ARHGEF2: variants seen among roughly 807,000 people sequenced by gnomAD.
ARHGEF2 encodes the protein Rho/Rac guanine nucleotide exchange factor 2, also known as rho guanine nucleotide exchange factor 2.
In ARHGEF2, 22 loss-of-function variants were observed where a neutral mutation model predicts 121.0. The ratio of observed to expected loss-of-function variants is 0.18; its 90% CI spans 0.13 to 0.26. ARHGEF2 has a LOEUF of 0.26. Ranked by LOEUF, ARHGEF2 falls within the 10% of genes least tolerant of loss-of-function variation. The pLI is 1.00. For synonymous variants in ARHGEF2, 487 were observed against 530.0 expected (o/e 0.92, Z 1.11); for missense variants, 907 against 1,336.0 (o/e 0.68, Z 5.01).
chr1:155,954,124 G>C (rs1311842257), intron 14 of ARHGEF2, among the ~76,000 whole-genome samples: 2 of 52,768 alleles, frequency 3.8e-5, no homozygotes. Context: ...ATCATGCCTA[G>C]CTATTTTTTT....
intron 13 of ARHGEF2, among the ~76,000 whole-genome samples, chr1:155,956,729 G>A (rs1473562150): frequency 2.6e-5 from 4 of 151,012 alleles, no homozygotes; most frequent in South Asian, 2.1e-4. Context: ...AGGCTGAGGC[G>A]GGTCGATTAC....
chr1:155,964,211 TATATA>T (rs1558031862), intron 7 of ARHGEF2, among the ~76,000 whole-genome samples: 20 of 131,258 alleles, frequency 1.5e-4, no homozygotes, highest in African/African-American at 5.1e-4. Context: ...TATATATATA[TATATA>T]TTTTTTTTTT....
At position 155,958,194 on chromosome 1, in the gene ARHGEF2, G is replaced by A. The variant is rs2275071; in HGVS notation, c.1545+126C>T. On this transcript the variant is annotated intron_variant, in intron 12 of 21. Coordinates refer to ENST00000361247, the MANE Select transcript of ARHGEF2 (RefSeq NM_001162383.2). ...GCTGCTCTTATTTTTTATTATTACG[G>A]TAATAGTAACAATTATAGCTGTTTG... The A allele has an allele frequency of 6.3e-3, 4,653 of 738,524 alleles. 86 individuals carry two copies. Among genetic ancestry groups the A allele is most frequent in the East Asian group, 0.054 (2,000 of 37,008 alleles). The allele number at this position is 738,524 out of a possible 1,614,324, so 45.7% of individuals were successfully genotyped here. A position where few individuals can be genotyped will look rare whatever the true frequency, so the allele number is the denominator to read the frequency against.
upstream of ARHGEF2, chr1:155,979,434 C>T (rs1572225537): frequency 1.5e-6 from 1 of 685,874 alleles, no homozygotes; most frequent in Admixed American, 6.3e-5. Flanking sequence ...GACCCTTTTC[C>T]CCAGCCTGAG....
intron 1 of ARHGEF2, 188 bp from the exon 2 acceptor site, chr1:155,969,488 G>A: frequency 7.0e-7 from 1 of 1,422,696 alleles, no homozygotes; most frequent in East Asian, 2.6e-5. Context: ...GACCAGGCCA[G>A]GCTCTGGGGC....
chr1:155,963,177 A>G lies in ARHGEF2; in HGVS notation c.731T>C (p.Ile244Thr). 1 of 1,609,296 alleles carries G rather than the reference A, an allele frequency of 6.2e-7. No homozygotes were observed. Among genetic ancestry groups the G allele is most frequent in the Middle Eastern group, 1.7e-4 (1 of 6,046 alleles). Residue 244 changes from isoleucine to threonine, a missense_variant, in exon 8 of 22, where the codon ATC (isoleucine) becomes ACC (threonine). By Grantham distance (89) the Ile-to-Thr change is moderately conservative (BLOSUM62 -1). Coordinates refer to ENST00000361247, the MANE Select transcript of ARHGEF2 (RefSeq NM_001162383.2). ...MKQQDVIYEL[I>T]QTELHHVRTL... ...CCTCACATGGTGCAGCTCTGTCTGGATTAGCTCTGTGGGGGACATTGGGAC... is the reference window on the plus strand; with the variant it reads ...CCTCACATGGTGCAGCTCTGTCTGGGTTAGCTCTGTGGGGGACATTGGGAC...
rs374165884 is a variant in ARHGEF2, at chr1:155,954,881, G to A, written c.1783+21C>T. ...TGAATGTATTATAAATTACTAAGGA[G>A]CTCCTTGTGGGTGGACTTACTCTTA... is the stretch of plus-strand genomic sequence containing the variant. On this transcript the variant is annotated intron_variant, in intron 14 of 21. Coordinates refer to ENST00000361247, the MANE Select transcript of ARHGEF2 (RefSeq NM_001162383.2). The A allele has an allele frequency of 2.6e-5, 41 of 1,605,922 alleles. No individual in the cohort carries two copies. The African/African-American group carries it at 4.4e-4, about 17-fold the overall frequency.
In ARHGEF2 at chr1:155,950,290, G is replaced by C. The variant is rs779197828; in HGVS notation, c.2887+9C>G. 1.7e-5 allele frequency: 28 copies of C among 1,611,268 alleles called. No homozygotes were observed. Among genetic ancestry groups the C allele is most frequent in the Non-Finnish European group, 2.2e-5 (26 of 1,179,874 alleles). Reference sequence around the variant, plus strand: ...CTACCTCTGGTCCATGTCTCCGCCAGGGTCTCACCTCGTGGACTGTGGGGC... The same window carrying C: ...CTACCTCTGGTCCATGTCTCCGCCACGGTCTCACCTCGTGGACTGTGGGGC... On this transcript the variant is annotated intron_variant, in intron 21 of 21. Coordinates refer to ENST00000361247, the MANE Select transcript of ARHGEF2 (RefSeq NM_001162383.2). This position sits in a 1 kb window ranked among gnomAD's most constrained non-coding sequence, Gnocchi z 5.2.
intron 13 of ARHGEF2, among the ~76,000 whole-genome samples, chr1:155,956,108 T>A (rs907752064): frequency 6.6e-6 from 1 of 151,628 alleles, no homozygotes; most frequent in Non-Finnish European, 1.5e-5. Flanking sequence ...AATTTCATAA[T>A]TTTTTTTTGG....
In ARHGEF2 at chr1:155,961,966, T is replaced by A. The variant is rs1382747095; in HGVS notation, c.1220-57A>T. The A allele has an allele frequency of 1.9e-6, 3 of 1,607,738 alleles. No homozygotes were observed. The highest frequency in any genetic ancestry group is 2.6e-6 in the Non-Finnish European group (3 of 1,175,788). ...CAACCAGTTTCACTCACACCCCAGT[T>A]CCCATCGTGTCTTGATTCCACCTTT... On this transcript the variant is annotated intron_variant, in intron 10 of 21. Coordinates refer to ENST00000361247, the MANE Select transcript of ARHGEF2 (RefSeq NM_001162383.2). The surrounding 1 kb of genome is among the most constrained non-coding windows in gnomAD (Gnocchi z 4.7).
intron 7 of ARHGEF2, 148 bp from the exon 8 acceptor site, chr1:155,963,331 T>C: frequency 3.0e-6 from 2 of 676,530 alleles, no homozygotes; most frequent in Non-Finnish European, 4.7e-6. Flanking sequence ...GATACTTTTC[T>C]AATCATTTTT....
intron 1 of ARHGEF2, 142 bp from the exon 2 acceptor site, chr1:155,969,442 C>A: frequency 6.8e-7 from 1 of 1,470,948 alleles, no homozygotes; most frequent in Non-Finnish European, 9.0e-7. Context: ...TAAAGCAGAG[C>A]CTGCAACTGG....
upstream of ARHGEF2, chr1:155,979,076 C>T: frequency 1.0e-6 from 1 of 985,676 alleles, no homozygotes; most frequent in East Asian, 1.1e-4. Flanking sequence ...GAGAGGAAAT[C>T]AAAGGAGAAC....
At position 155,971,050 on chromosome 1, in the gene ARHGEF2, G is replaced by T; in HGVS notation, c.64-1750C>A. On this transcript the variant is annotated intron_variant, in intron 1 of 21. Transcript: ENST00000361247. The stretch of plus-strand genomic sequence containing the variant: ...TTCCCTTTCTCAGCCTTGCTTCTCC[G>T]CCACTGTTCTCCTCTCCCGCCCACA... 3 of 986,542 alleles carry T rather than the reference G, an allele frequency of 3.0e-6. No homozygotes were observed. In the South Asian group the frequency reaches 1.4e-4, roughly 46 times the overall value. 61.1% of individuals were successfully genotyped at this position (986,542 alleles called of 1,614,324 possible).
Position 155,951,167 on chromosome 1 carries a change from T to C in ARHGEF2, c.2365A>G (p.Arg789Gly). 6.2e-7 allele frequency: 1 copy of C among 1,605,512 alleles called. No individual in the cohort carries two copies. Among genetic ancestry groups the C allele is most frequent in the Non-Finnish European group, 8.5e-7 (1 of 1,177,432 alleles). ...GGGGCCACAGGGGCAGCCCCAGCCC[T>C]GCCAGCCTCCCCATCCCGAGAGTTG... Reference protein sequence around the residue: ...RANSRDGEAGRAGAAPVAPEK... With the variant: ...RANSRDGEAGGAGAAPVAPEK... Residue 789 changes from arginine to glycine, a missense_variant, in exon 20 of 22, where the codon AGG becomes GGG. Physicochemically the swap from Arg to Gly is moderately radical, Grantham distance 125 (BLOSUM62 -2). Coordinates refer to ENST00000361247, the MANE Select transcript of ARHGEF2 (RefSeq NM_001162383.2). The surrounding 1 kb of genome is among the most constrained non-coding windows in gnomAD (Gnocchi z 5.1).
Position 155,978,449 on chromosome 1 carries a change from A to C in ARHGEF2, c.-22T>G. ...ACATAATCGGACGGGGGGACCAGGG[A>C]GGACGCGGCGCGGACCCCGGCGTCC... On this transcript the variant is annotated 5_prime_UTR_variant, in exon 1 of 22. Coordinates refer to ENST00000361247, the MANE Select transcript of ARHGEF2 (RefSeq NM_001162383.2). The surrounding 1 kb of genome is among the most constrained non-coding windows in gnomAD (Gnocchi z 4.1). 2 of 1,464,414 alleles carry C rather than the reference A, an allele frequency of 1.4e-6. No homozygotes were observed. Among genetic ancestry groups the C allele is most frequent in the Non-Finnish European group, 1.8e-6 (2 of 1,092,012 alleles). The allele number at this position is 1,464,414 out of a possible 1,614,324, so 90.7% of individuals were successfully genotyped here.
intron 1 of ARHGEF2, among the ~76,000 whole-genome samples, chr1:155,971,402 A>AC (rs1680428465): frequency 1.3e-5 from 2 of 151,662 alleles, no homozygotes; most frequent in South Asian, 4.2e-4. Flanking sequence ...ACATGGTGAA[A>AC]CCCCATCTCT....
At chr1:155,974,020 C>CGA (rs1680902236) in intron 1 of ARHGEF2, among the ~76,000 whole-genome samples, 1 of 151,716 alleles carries the variant, frequency 6.6e-6, no homozygotes, top group African/African-American at 2.4e-5. Flanking sequence ...AAGCTCTCAT[C>CGA]TGACTTTTTT....
chr1:155,969,139 G>A lies in ARHGEF2; in HGVS notation c.208+17C>T. 1 of 1,613,702 alleles carries A rather than the reference G, an allele frequency of 6.2e-7. No homozygotes were observed. The highest frequency in any genetic ancestry group is 8.5e-7 in the Non-Finnish European group (1 of 1,179,636). On this transcript the variant is annotated intron_variant, in intron 2 of 21. Coordinates refer to ENST00000361247, the MANE Select transcript of ARHGEF2 (RefSeq NM_001162383.2). ...GGGCACCGAGTCTGGGTGACTCTCA[G>A]GGTCCAAACAACTTACTTGGGCAGA...
Sources: allele counts gnomAD v4.1 joint callset (sites outside exome capture counted in the v4.1 genomes callset), GRCh38; gene constraint gnomAD v4.1.1; non-coding constraint Gnocchi (gnomAD v3.1); transcripts MANE v1.5; gene names NCBI Gene and HGNC (gene_info 2026-07-23, HGNC 2026-07-21).